Variants in VDAC1 observed in about 807,000 individuals in gnomAD.
VDAC1 encodes the protein voltage dependent anion channel 1.
A neutral mutation model predicts 34.7 loss-of-function variants in VDAC1; 10 were observed. That is an observed-to-expected ratio of 0.29 (90% CI 0.18 to 0.49). VDAC1 has a LOEUF of 0.49. VDAC1 is among the 20% of genes least tolerant of loss of function. The pLI is 0.99. For synonymous variants in VDAC1, 130 were observed against 136.0 expected (o/e 0.96, Z 0.30); for missense variants, 230 against 347.9 (o/e 0.66, Z 2.69).
At chr5:134,101,874 C>T in the VDAC1 span, among the ~76,000 whole-genome samples, 1 of 152,200 alleles carries the variant, frequency 6.6e-6, no homozygotes, top group Admixed American at 6.5e-5. Flanking sequence ...CAGCCTGACC[C>T]TCCCATTAGG....
the VDAC1 span, among the ~76,000 whole-genome samples, chr5:134,101,628 C>A: frequency 6.6e-6 from 1 of 151,920 alleles, no homozygotes; most frequent in Non-Finnish European, 1.5e-5. Context: ...AGGAGGTAAT[C>A]CGTAAATGTG....
chr5:133,976,610 A>T (rs1043101811), intron 6 of VDAC1, among the ~76,000 whole-genome samples: 1 of 151,866 alleles, frequency 6.6e-6, no homozygotes, highest in African/African-American at 2.4e-5. Flanking sequence ...AGCCCAGGAT[A>T]TAGCTTGGGC....
chr5:134,053,591 A>G, the VDAC1 span, among the ~76,000 whole-genome samples: 1 of 152,156 alleles, frequency 6.6e-6, no homozygotes, highest in Non-Finnish European at 1.5e-5. Context: ...CTGGGGGGAA[A>G]CAGAACAGGT....
chr5:133,986,936 G>C (rs1752929263), intron 5 of VDAC1, among the ~76,000 whole-genome samples: 1 of 152,204 alleles, frequency 6.6e-6, no homozygotes, highest in Non-Finnish European at 1.5e-5. Flanking sequence ...ATAGCCCATA[G>C]AGTAAATGTC....
At chr5:134,019,445 T>G in the VDAC1 span, among the ~76,000 whole-genome samples, 1 of 152,030 alleles carries the variant, frequency 6.6e-6, no homozygotes, top group Non-Finnish European at 1.5e-5. Flanking sequence ...CCAGATATGG[T>G]GGTGAACACC....
the VDAC1 span, among the ~76,000 whole-genome samples, chr5:134,089,589 A>G: frequency 6.6e-6 from 1 of 152,166 alleles, no homozygotes; most frequent in Non-Finnish European, 1.5e-5. Flanking sequence ...GCAACCCCCC[A>G]TCATGCCTTT....
the VDAC1 span, among the ~76,000 whole-genome samples, chr5:134,017,232 T>C: frequency 6.6e-6 from 1 of 152,132 alleles, no homozygotes; most frequent in Non-Finnish European, 1.5e-5. Flanking sequence ...TTTGGGAGGC[T>C]GAGGCGGGTG....
At chr5:133,992,749 C>T (rs1753153264) in intron 2 of VDAC1, among the ~76,000 whole-genome samples, 197 bp downstream of exon 2, 1 of 152,262 alleles carries the variant, frequency 6.6e-6, no homozygotes, top group South Asian at 2.1e-4. Flanking sequence ...CTTGACAGCA[C>T]CAATGCAGGA....
chr5:134,074,624 G>T, the VDAC1 span, among the ~76,000 whole-genome samples: 1 of 152,032 alleles, frequency 6.6e-6, no homozygotes, highest in Non-Finnish European at 1.5e-5. Flanking sequence ...AGGTACCCGT[G>T]GCAGCCTCAC....
At chr5:134,079,355 A>G in the VDAC1 span, among the ~76,000 whole-genome samples, 2 of 152,208 alleles carry the variant, frequency 1.3e-5, no homozygotes, top group African/African-American at 2.4e-5. Flanking sequence ...CACAGTGAGG[A>G]GAGAGTGGCA....
the VDAC1 span, among the ~76,000 whole-genome samples, chr5:134,021,442 G>A: frequency 2.0e-5 from 3 of 150,756 alleles, no homozygotes; most frequent in African/African-American, 7.3e-5. Context: ...GTGGTGTTTG[G>A]TTTTCTGTCC....
the VDAC1 span, among the ~76,000 whole-genome samples, chr5:134,110,779 T>C: frequency 6.6e-6 from 1 of 152,234 alleles, no homozygotes; most frequent in African/African-American, 2.4e-5. Context: ...TTTCTGGAAA[T>C]GCCACATTTC....
the VDAC1 span, among the ~76,000 whole-genome samples, chr5:134,067,712 G>C: frequency 6.6e-6 from 1 of 151,498 alleles, no homozygotes; most frequent in Admixed American, 6.6e-5. Context: ...GGGAGAAGGA[G>C]AGGGAGAAGG....
the VDAC1 span, among the ~76,000 whole-genome samples, chr5:134,018,150 G>A: frequency 2.6e-5 from 4 of 152,152 alleles, no homozygotes; most frequent in South Asian, 2.1e-4. Flanking sequence ...GCATCTGCTC[G>A]GCTTCTGGTG....
At chr5:134,021,741 G>C in the VDAC1 span, among the ~76,000 whole-genome samples, 327 of 152,302 alleles carry the variant, frequency 2.1e-3, 3 homozygotes, top group African/African-American at 7.6e-3. Flanking sequence ...CATGGCTGCT[G>C]GGATGTGCAG....
chr5:134,050,076 C>G, the VDAC1 span, among the ~76,000 whole-genome samples: 1 of 151,974 alleles, frequency 6.6e-6, no homozygotes, highest in African/African-American at 2.4e-5. Context: ...TGGTGAAACT[C>G]CGTTTCTACT....
At chr5:134,035,751 A>G in the VDAC1 span, among the ~76,000 whole-genome samples, 1 of 152,234 alleles carries the variant, frequency 6.6e-6, no homozygotes, top group African/African-American at 2.4e-5. Context: ...TCACGCCTGT[A>G]ATCCCAGCAC....
chr5:134,104,710 T>C, the VDAC1 span, among the ~76,000 whole-genome samples: 14 of 152,344 alleles, frequency 9.2e-5, no homozygotes, highest in Admixed American at 3.9e-4. Flanking sequence ...AAAGACCAAC[T>C]TGACCACGAT....
At chr5:134,009,928 G>T (rs2127056796), upstream of VDAC1, among the ~76,000 whole-genome samples, 1 of 152,218 alleles carries the variant, frequency 6.6e-6, no homozygotes, top group East Asian at 1.9e-4. Flanking sequence ...TAATCAACCT[G>T]TCTTGGCCTC....
Sources: gnomAD v4.1 joint callset for allele counts (sites outside exome capture counted in the v4.1 genomes callset) on GRCh38, gnomAD v4.1.1 for gene constraint, MANE v1.5 for transcripts, NCBI Gene and HGNC (gene_info 2026-07-23, HGNC 2026-07-21) for gene names.